ADGRL2: variants seen among roughly 807,000 people sequenced by gnomAD.
ADGRL2 encodes the protein calcium-independent alpha-latrotoxin receptor 2.
ADGRL2 carries 44 observed loss-of-function variants against 157.4 expected under a neutral mutation model. The observed-to-expected ratio is 0.28, with a 90% CI of 0.22 to 0.36. The LOEUF (loss-of-function observed/expected upper bound fraction) is 0.36. Ranked by LOEUF, ADGRL2 falls within the 10% of genes least tolerant of loss-of-function variation. The probability of loss-of-function intolerance (pLI) is 1.00; values close to 1 mark genes in which losing one functional copy is unlikely to be tolerated. For missense variants in ADGRL2, 1,510 were observed against 1,768.9 expected (o/e 0.85, Z 2.63); for synonymous variants, 585 against 624.7 (o/e 0.94, Z 0.95).
chr1:81,680,693 T>C (rs186501067), intron 3 of ADGRL2, among the ~76,000 whole-genome samples: 2 of 152,230 alleles, frequency 1.3e-5, no homozygotes, highest in African/African-American at 4.8e-5. Context: ...ATTCAGCCTA[T>C]TTGACTTTCA....
At chr1:81,777,211 ATATTCTCCAT>A (rs979799750) in intron 2 of ADGRL2, among the ~76,000 whole-genome samples, 52 of 152,322 alleles carry the variant, frequency 3.4e-4, no homozygotes, top group African/African-American at 1.2e-3. Context: ...GAGTTAGATT[ATATTCTCCAT>A]TATTCTATAC....
In ADGRL2 at chr1:81,502,686, T is replaced by G. The variant is rs2078880016; in HGVS notation, c.-248+57597T>G. On this transcript the variant is annotated intron_variant, in intron 2 of 24. Transcript: ENST00000370721. ...GGACGCAGTACATGAAGTATCTGTATGCCTATGAGTGTGAGAAGAAAGCCT... is the reference window on the plus strand; with the variant it reads ...GGACGCAGTACATGAAGTATCTGTAGGCCTATGAGTGTGAGAAGAAAGCCT... 3.7e-6 allele frequency: 6 copies of G among 1,613,154 alleles called. No individual in the cohort carries two copies. In the Admixed American group the frequency reaches 1.0e-4, roughly 27 times the overall value.
intron 3 of ADGRL2, among the ~76,000 whole-genome samples, chr1:81,663,164 G>C (rs147821480): frequency 0.011 from 1,650 of 148,858 alleles, 15 homozygotes; most frequent in Non-Finnish European, 0.019. Context: ...CAAGAGAAAT[G>C]CAATTGTCTT....
chr1:81,307,376 T>G (rs1659416901), intron 1 of ADGRL2, among the ~76,000 whole-genome samples: 1 of 152,192 alleles, frequency 6.6e-6, no homozygotes, highest in Non-Finnish European at 1.5e-5. Flanking sequence ...CTTATAATAT[T>G]TTAATCACTC....
At chr1:81,368,807 C>T (rs1375038074) in intron 1 of ADGRL2, among the ~76,000 whole-genome samples, 3 of 152,128 alleles carry the variant, frequency 2.0e-5, no homozygotes, top group Non-Finnish European at 2.9e-5. Flanking sequence ...TGTTTTGCAT[C>T]GCTCCATCCC....
chr1:81,361,633 G>C (rs1306885210), intron 1 of ADGRL2, among the ~76,000 whole-genome samples: 1 of 151,878 alleles, frequency 6.6e-6, no homozygotes, highest in Admixed American at 6.6e-5. Flanking sequence ...TTGCTCAATT[G>C]CTTAGAAAAA....
chr1:81,437,943 A>G (rs1007087876), intron 1 of ADGRL2, among the ~76,000 whole-genome samples: 2 of 152,150 alleles, frequency 1.3e-5, no homozygotes, highest in Non-Finnish European at 2.9e-5. Context: ...GTCAGCCACA[A>G]ATGCCTACTA....
intron 1 of ADGRL2, among the ~76,000 whole-genome samples, chr1:81,752,043 A>G (rs183594689): frequency 3.7e-4 from 57 of 152,294 alleles, no homozygotes; most frequent in African/African-American, 1.3e-3. Context: ...CCCCAAATTC[A>G]TATGTTACAG....
intron 3 of ADGRL2, among the ~76,000 whole-genome samples, chr1:81,608,343 ACT>A (rs1444545860): frequency 6.6e-6 from 1 of 151,670 alleles, no homozygotes; most frequent in Non-Finnish European, 1.5e-5. Flanking sequence ...GGAAGGTGAG[ACT>A]CTCGCTCCAG....
At chr1:81,516,228 CT>C (rs1477650418) in intron 2 of ADGRL2, among the ~76,000 whole-genome samples, 1 of 152,058 alleles carries the variant, frequency 6.6e-6, no homozygotes, top group Non-Finnish European at 1.5e-5. Flanking sequence ...ATGCATTTTA[CT>C]TTTTTTATTT....
chr1:81,452,284 C>G (rs1466858579), intron 2 of ADGRL2, among the ~76,000 whole-genome samples: 4 of 152,142 alleles, frequency 2.6e-5, no homozygotes, highest in Non-Finnish European at 5.9e-5. Flanking sequence ...TTATTCCGCC[C>G]AGGTTTAGAC....
intron 2 of ADGRL2, among the ~76,000 whole-genome samples, chr1:81,880,036 AAATAAATAAGTTGTATTTTGGATCCTC>A (rs1299229506): frequency 5.9e-5 from 9 of 152,300 alleles, no homozygotes; most frequent in East Asian, 1.9e-4. Flanking sequence ...CTAAATAAAT[AAATAAATAAGTTGTATTTTGGATCCTC>A]AATAAATAAG....
intron 1 of ADGRL2, among the ~76,000 whole-genome samples, chr1:81,751,645 A>C (rs2085493531): frequency 6.6e-6 from 1 of 152,234 alleles, no homozygotes; most frequent in Non-Finnish European, 1.5e-5. Flanking sequence ...TTATTAAGAT[A>C]AGTGGCAAAA....
At chr1:81,776,106 T>C (rs571703037) in intron 2 of ADGRL2, among the ~76,000 whole-genome samples, 1 of 152,288 alleles carries the variant, frequency 6.6e-6, no homozygotes, top group East Asian at 1.9e-4. Flanking sequence ...TCACTACTTC[T>C]TCTATCATGA....
chr1:81,989,446 G>A (rs1444451247), intron 23 of ADGRL2, among the ~76,000 whole-genome samples: 1 of 152,138 alleles, frequency 6.6e-6, no homozygotes. Flanking sequence ...AGGGCTGCAG[G>A]CAAACTTTGA....
intron 2 of ADGRL2, chr1:81,502,981 G>A: frequency 6.2e-7 from 1 of 1,613,442 alleles, no homozygotes; most frequent in Non-Finnish European, 8.5e-7. Flanking sequence ...AACAGTGGCT[G>A]TGCCAAATCG....
At chr1:81,962,515 G>A (rs1450211800) in intron 11 of ADGRL2, among the ~76,000 whole-genome samples, 1 of 151,674 alleles carries the variant, frequency 6.6e-6, no homozygotes, top group Non-Finnish European at 1.5e-5. Context: ...TTCTTTTTAG[G>A]GTTGGTACTC....
At chr1:81,533,991 A>G (rs1460646824) in intron 2 of ADGRL2, among the ~76,000 whole-genome samples, 1 of 152,192 alleles carries the variant, frequency 6.6e-6, no homozygotes, top group Non-Finnish European at 1.5e-5. Flanking sequence ...AAGCCTCACT[A>G]TGAACATATG....
intron 2 of ADGRL2, among the ~76,000 whole-genome samples, chr1:81,570,908 C>T (rs2080673498): frequency 6.6e-6 from 1 of 152,150 alleles, no homozygotes; most frequent in African/African-American, 2.4e-5. Context: ...AATATTTCAG[C>T]TGCACACCAG....
Sources: gnomAD v4.1 joint callset for allele counts (sites outside exome capture counted in the v4.1 genomes callset) on GRCh38, gnomAD v4.1.1 for gene constraint, MANE v1.5 for transcripts, NCBI Gene and HGNC (gene_info 2026-07-23, HGNC 2026-07-21) for gene names.